The following EDEM2 variants were observed in gnomAD, a reference collection of about 807,000 sequenced individuals.
EDEM2 encodes ER degradation enhancing alpha-mannosidase like protein 2.
A neutral mutation model predicts 64.8 loss-of-function variants in EDEM2; 39 were observed. That is an observed-to-expected ratio of 0.60 (90% CI 0.47 to 0.79). EDEM2 has a LOEUF of 0.79. Ranked by LOEUF, EDEM2 falls within the 30% of genes least tolerant of loss-of-function variation. The pLI, the probability that EDEM2 is intolerant of heterozygous loss-of-function variation, is 0.00. For missense variants in EDEM2, 609 were observed against 731.3 expected, an observed-to-expected ratio of 0.83 and a Z score of 1.93; for synonymous variants, 296 against 291.5, an observed-to-expected ratio of 1.02 and a Z score of -0.16.
At chr20:35,137,290 G>A (rs889519240) in intron 5 of EDEM2, among the ~76,000 whole-genome samples, 2 of 151,998 alleles carry the variant, frequency 1.3e-5, no homozygotes, top group Non-Finnish European at 2.9e-5. Flanking sequence ...ATGGTGGCAG[G>A]CGCCTGTAAT....
intron 4 of EDEM2, among the ~76,000 whole-genome samples, chr20:35,140,128 GA>G (rs2085632492): frequency 6.6e-6 from 1 of 152,078 alleles, no homozygotes; most frequent in Admixed American, 6.6e-5. Context: ...TGCATTAAAG[GA>G]AATTCTAAAG....
chr20:35,121,334 C>T (rs1175250484), intron 9 of EDEM2, among the ~76,000 whole-genome samples: 1 of 152,186 alleles, frequency 6.6e-6, no homozygotes, highest in Non-Finnish European at 1.5e-5. Context: ...CTAGATCCCT[C>T]ACATATGCAG....
At chr20:35,135,019 AGCCTGGGAC>A in intron 5 of EDEM2, 70 bp from the exon 6 acceptor site, 1 of 1,480,596 alleles carries the variant, frequency 6.8e-7, no homozygotes, top group Non-Finnish European at 9.3e-7. Context: ...ACACGCCCAA[AGCCTGGGAC>A]CTTAGCCAGC....
intron 7 of EDEM2, among the ~76,000 whole-genome samples, chr20:35,131,423 C>T (rs551992366): frequency 4.6e-5 from 7 of 152,122 alleles, no homozygotes; most frequent in South Asian, 4.2e-4. Context: ...TGATGGTGTG[C>T]GCCTGTAGTC....
Position 35,147,230 on chromosome 20 carries a change from C to T in EDEM2, c.29G>A (p.Gly10Asp). MPFRLLIPL[G>D]LLCALLPQHH... is the part of the protein sequence containing the mutation. ...CTGAGGCAGCAGCGCGCACAGGAGG[C>T]CGAGCGGGATGAGCAGCCGGAAAGG... The change falls in exon 1 of 11, where the codon GGC becomes GAC. Residue 10 changes from glycine to aspartate, a missense_variant. Coordinates refer to ENST00000374492, the MANE Select transcript of EDEM2 (RefSeq NM_018217.3). The T allele has an allele frequency of 6.3e-7, 1 of 1,596,538 alleles. No homozygotes were observed.
At chr20:35,133,309 G>A (rs907888613) in intron 6 of EDEM2, among the ~76,000 whole-genome samples, 8 of 152,012 alleles carry the variant, frequency 5.3e-5, no homozygotes, top group Admixed American at 1.3e-4. Context: ...GCAAAGAGGC[G>A]CAGGTGATGG....
chr20:35,137,696 C>G (rs2085596323), intron 5 of EDEM2, among the ~76,000 whole-genome samples, 184 bp downstream of exon 5: 1 of 152,206 alleles, frequency 6.6e-6, no homozygotes. Context: ...GGTCAGGGCC[C>G]CAGCAGGCCC....
intron 9 of EDEM2, 27 bp from the exon 10 acceptor site, chr20:35,118,746 C>T (rs2085337007): frequency 6.2e-7 from 1 of 1,610,406 alleles, no homozygotes; most frequent in Admixed American, 1.7e-5. Flanking sequence ...AGACCCTCCT[C>T]ACTCAGTGGC....
chr20:35,129,855 G>C (rs1184996705), intron 7 of EDEM2, among the ~76,000 whole-genome samples: 1 of 151,992 alleles, frequency 6.6e-6, no homozygotes, highest in Non-Finnish European at 1.5e-5. Flanking sequence ...TGCTGTACAG[G>C]TTTGTAGCCT....
rs1412107222 is a variant in EDEM2 at position 35,128,419 on chromosome 20, C to T, written c.845-2044G>A. ...AAAACAAAAACAAAAATTAGCTGGG[C>T]GTAGTGGTGGGTGCCTATAATCCCA... is the stretch of plus-strand genomic sequence containing the variant. On this transcript the variant is annotated intron_variant, in intron 7 of 10. Coordinates refer to ENST00000374492, the MANE Select transcript of EDEM2 (RefSeq NM_018217.3). Among the ~76,000 whole-genome samples the T allele has an allele frequency of 8.1e-5, 12 of 148,750 alleles. 1 individual carries two copies. Among genetic ancestry groups the T allele is most frequent in the African/African-American group, 2.3e-4 (9 of 39,570 alleles).
At chr20:35,127,898 A>T (rs1230043988) in intron 7 of EDEM2, among the ~76,000 whole-genome samples, 1 of 152,230 alleles carries the variant, frequency 6.6e-6, no homozygotes, top group Non-Finnish European at 1.5e-5. Flanking sequence ...AAGATATCAC[A>T]GCTGTTGTAA....
intron 3 of EDEM2, among the ~76,000 whole-genome samples, chr20:35,143,983 A>G (rs2085694480): frequency 6.6e-6 from 1 of 152,068 alleles, no homozygotes; most frequent in Non-Finnish European, 1.5e-5. Context: ...ATCTCGGCTC[A>G]CTGCAACCTC....
Position 35,146,957 on chromosome 20 carries a change from A to C in EDEM2, c.108-22T>G, listed in dbSNP as rs573106657. On this transcript the variant is annotated intron_variant, in intron 1 of 10. Transcript: ENST00000374492. ...CTCCCTGGGTGGGGGACGAGAAATC[A>C]GGCATGGGGCAAGAACACAAAAACA... 5 of 1,607,926 alleles carry C rather than the reference A, an allele frequency of 3.1e-6. No homozygotes were observed. In the African/African-American group the frequency reaches 6.7e-5, roughly 21 times the overall value.
At chr20:35,142,543 G>T in intron 3 of EDEM2, 65 bp from the exon 4 acceptor site, 1 of 1,268,906 alleles carries the variant, frequency 7.9e-7, no homozygotes, top group South Asian at 1.2e-5. Flanking sequence ...TCAGAGTCTG[G>T]GATCCTATGT....
chr20:35,126,687 C>T (rs908264196), intron 7 of EDEM2, among the ~76,000 whole-genome samples: 8 of 151,966 alleles, frequency 5.3e-5, no homozygotes, highest in African/African-American at 1.7e-4. Flanking sequence ...CCGAGGTGGG[C>T]GGATCACCTG....
chr20:35,135,045 C>G, intron 5 of EDEM2, 96 bp from the exon 6 acceptor site: 1 of 1,207,146 alleles, frequency 8.3e-7, no homozygotes, highest in South Asian at 1.3e-5. Flanking sequence ...CAGCACTTCC[C>G]TCTTTCTCCT....
At chr20:35,143,121 C>T (rs1047287431) in intron 3 of EDEM2, among the ~76,000 whole-genome samples, 1 of 152,148 alleles carries the variant, frequency 6.6e-6, no homozygotes, top group Admixed American at 6.6e-5. Flanking sequence ...GAAAACAGAA[C>T]AGGTTGGTTG....
At chr20:35,133,312 G>A (rs1480666405) in intron 6 of EDEM2, among the ~76,000 whole-genome samples, 1 of 152,090 alleles carries the variant, frequency 6.6e-6, no homozygotes, top group Non-Finnish European at 1.5e-5. Flanking sequence ...AAGAGGCGCA[G>A]GTGATGGCAG....
At chr20:35,136,952 TTG>T (rs1399532553) in intron 5 of EDEM2, among the ~76,000 whole-genome samples, 13 of 152,202 alleles carry the variant, frequency 8.5e-5, no homozygotes, top group African/African-American at 3.1e-4. Flanking sequence ...ACATGGAGGC[TTG>T]ACCTGCAGCC....
Sources: gnomAD v4.1 joint callset for allele counts (sites outside exome capture counted in the v4.1 genomes callset) on GRCh38, gnomAD v4.1.1 for gene constraint, MANE v1.5 for transcripts, NCBI Gene and HGNC (gene_info 2026-07-23, HGNC 2026-07-21) for gene names.